The following NAALADL2 variants were observed in gnomAD, a reference collection of about 807,000 sequenced individuals.
NAALADL2 encodes inactive N-acetylated-alpha-linked acidic dipeptidase-like protein 2.
In NAALADL2, 76 loss-of-function variants were observed where a neutral mutation model predicts 87.2. The ratio of observed to expected loss-of-function variants is 0.87; its 90% CI spans 0.72 to 1.05. NAALADL2 has a LOEUF of 1.05. Ranked by LOEUF, NAALADL2 falls within the 50% of genes least tolerant of loss-of-function variation. The pLI, the probability that NAALADL2 is intolerant of heterozygous loss-of-function variation, is 0.00. For synonymous variants in NAALADL2, 354 were observed against 331.0 expected, an observed-to-expected ratio of 1.07 and a Z score of -0.75; for missense variants, 1,089 against 945.8, an observed-to-expected ratio of 1.15 and a Z score of -1.99.
chr3:174,787,801 C>G (rs898985955), intron 3 of NAALADL2, among the ~76,000 whole-genome samples: 3 of 151,000 alleles, frequency 2.0e-5, no homozygotes, highest in Non-Finnish European at 4.4e-5. Flanking sequence ...CAAGTGTTTT[C>G]TAGTAACTTT....
chr3:175,183,517 T>A (rs528440233), intron 2 of NAALADL2, among the ~76,000 whole-genome samples: 1 of 152,202 alleles, frequency 6.6e-6, no homozygotes, highest in African/African-American at 2.4e-5. Context: ...ACCTTCTATA[T>A]CTAATTTGTT....
intron 4 of NAALADL2, among the ~76,000 whole-genome samples, chr3:175,281,197 T>G (rs1754265849): frequency 6.6e-6 from 1 of 151,562 alleles, no homozygotes; most frequent in Admixed American, 6.6e-5. Context: ...TTTTAGAACT[T>G]CTTTTCTAAG....
chr3:175,396,716 A>G (rs941595998), intron 5 of NAALADL2, among the ~76,000 whole-genome samples: 6 of 152,020 alleles, frequency 3.9e-5, no homozygotes, highest in African/African-American at 1.4e-4. Flanking sequence ...GTGGGAGGTA[A>G]TTCAATCATG....
At chr3:174,528,319 T>A (rs77967310) in intron 1 of NAALADL2, among the ~76,000 whole-genome samples, 2,086 of 152,254 alleles carry the variant, frequency 0.014, 47 homozygotes, top group African/African-American at 0.048. Flanking sequence ...ATCCTTCTTA[T>A]ATAAAATATA....
At chr3:175,173,331 A>C (rs1040777142) in intron 2 of NAALADL2, among the ~76,000 whole-genome samples, 1 of 150,760 alleles carries the variant, frequency 6.6e-6, no homozygotes, top group African/African-American at 2.4e-5. Flanking sequence ...TAAATAAATA[A>C]ATAAATAAAT....
intron 2 of NAALADL2, among the ~76,000 whole-genome samples, chr3:174,714,097 G>T (rs1430970195): frequency 6.6e-6 from 1 of 152,148 alleles, no homozygotes; most frequent in Non-Finnish European, 1.5e-5. Context: ...GTTTGTCAAA[G>T]ATCAGATAGT....
At chr3:174,683,427 G>A (rs1727738767) in intron 2 of NAALADL2, among the ~76,000 whole-genome samples, 1 of 151,996 alleles carries the variant, frequency 6.6e-6, no homozygotes, top group African/African-American at 2.4e-5. Context: ...CCACTTTTTT[G>A]TAGTTTTAGT....
chr3:175,773,449 T>C (rs1749775142), intron 13 of NAALADL2: 1 of 152,194 alleles, frequency 6.6e-6, no homozygotes, highest in Non-Finnish European at 1.5e-5. Context: ...AGTTTTCTTC[T>C]ACCTCTCTTA....
intron 2 of NAALADL2, among the ~76,000 whole-genome samples, chr3:175,203,301 G>A (rs1006279290): frequency 8.5e-5 from 13 of 152,126 alleles, no homozygotes; most frequent in African/African-American, 1.9e-4. Context: ...GAACTAGCGA[G>A]CTCCCAGGGT....
intron 1 of NAALADL2, among the ~76,000 whole-genome samples, chr3:175,072,102 A>T (rs1321378460): frequency 6.6e-6 from 1 of 152,060 alleles, no homozygotes; most frequent in Non-Finnish European, 1.5e-5. Context: ...AATAAGCTCT[A>T]GAGTTTGCCA....
At chr3:174,485,894 T>C (rs1717824954) in intron 1 of NAALADL2, among the ~76,000 whole-genome samples, 1 of 152,038 alleles carries the variant, frequency 6.6e-6, no homozygotes, top group Non-Finnish European at 1.5e-5. Context: ...TTGATCCATC[T>C]TGAGTTGATT....
At chr3:174,479,440 A>G (rs1280341535) in intron 1 of NAALADL2, among the ~76,000 whole-genome samples, 3 of 152,106 alleles carry the variant, frequency 2.0e-5, no homozygotes, top group Non-Finnish European at 4.4e-5. Context: ...CATTTACTGA[A>G]GATCTCATAA....
chr3:175,600,419 A>G (rs1038554227), intron 10 of NAALADL2, among the ~76,000 whole-genome samples: 2 of 150,068 alleles, frequency 1.3e-5, no homozygotes, highest in Non-Finnish European at 3.0e-5. Context: ...GAAAACCTAC[A>G]TATGTTAGCT....
chr3:174,855,793 C>T (rs1287088337), upstream of NAALADL2, among the ~76,000 whole-genome samples: 1 of 148,962 alleles, frequency 6.7e-6, no homozygotes, highest in African/African-American at 2.5e-5. Context: ...CACACACACA[C>T]ACACACACAC....
At chr3:174,836,552 A>G (rs1723347765) in intron 3 of NAALADL2, among the ~76,000 whole-genome samples, 1 of 151,696 alleles carries the variant, frequency 6.6e-6, no homozygotes, top group South Asian at 2.1e-4. Context: ...ATACAACAAC[A>G]AAGAAAATTA....
intron 1 of NAALADL2, among the ~76,000 whole-genome samples, chr3:174,533,401 GT>G (rs1312004221): frequency 1.3e-5 from 2 of 152,068 alleles, no homozygotes; most frequent in Non-Finnish European, 2.9e-5. Flanking sequence ...CTCAACTCCT[GT>G]TTTCTCTTCT....
At chr3:174,577,579 T>C (rs577533625) in intron 2 of NAALADL2, among the ~76,000 whole-genome samples, 4 of 152,282 alleles carry the variant, frequency 2.6e-5, no homozygotes, top group African/African-American at 9.6e-5. Flanking sequence ...AAAAGGACTT[T>C]GCAGAGATTT....
At chr3:175,224,219 A>T (rs371941126) in intron 2 of NAALADL2, among the ~76,000 whole-genome samples, 1 of 151,954 alleles carries the variant, frequency 6.6e-6, no homozygotes, top group Non-Finnish European at 1.5e-5. Context: ...TGCCCGGAGG[A>T]TATTGATTAG....
intron 13 of NAALADL2, among the ~76,000 whole-genome samples, chr3:175,760,570 A>G (rs541872900): frequency 4.6e-5 from 7 of 152,320 alleles, no homozygotes; most frequent in African/African-American, 1.7e-4. Context: ...AAATATCAGT[A>G]CTATCAAATC....
Sources: allele counts gnomAD v4.1 joint callset (sites outside exome capture counted in the v4.1 genomes callset), GRCh38; gene constraint gnomAD v4.1.1; transcripts MANE v1.5; gene names NCBI Gene and HGNC (gene_info 2026-07-23, HGNC 2026-07-21).